Variants in BMPER observed in about 807,000 individuals in gnomAD.
BMPER encodes the protein BMP-binding endothelial regulator protein.
Under a neutral mutation model 87.3 loss-of-function variants are expected in BMPER, and 45 were observed. The observed-to-expected ratio is 0.52, with a 90% CI of 0.41 to 0.66. BMPER has a LOEUF of 0.66. Ranked by LOEUF, BMPER falls within the 30% of genes least tolerant of loss-of-function variation. The pLI is 0.00. For synonymous variants in BMPER, 326 were observed against 316.2 expected, an observed-to-expected ratio of 1.03 and a Z score of -0.33; for missense variants, 784 against 867.5, an observed-to-expected ratio of 0.90 and a Z score of 1.21.
rs572086771 is a variant in BMPER at position 34,130,059 on chromosome 7, C to CT, written c.1746-13170dup. 5.3e-5 allele frequency among the ~76,000 whole-genome samples: 8 copies of CT among 152,092 alleles called. No individual in the cohort carries two copies. In the South Asian group the frequency reaches 1.7e-3, roughly 32 times the overall value. On this transcript the variant is annotated intron_variant, in intron 13 of 14. Transcript: ENST00000649409. ...TTTTCCCTGTGTTCTTGACCCCCTC[C>CT]TCTCCTGTTTTCTTCCTGATATTAT...
intron 2 of BMPER, among the ~76,000 whole-genome samples, chr7:33,924,948 C>T (rs980367642): frequency 3.9e-5 from 6 of 152,196 alleles, no homozygotes; most frequent in African/African-American, 1.2e-4. Context: ...AGGCGCGAGC[C>T]ACTGCACCCG....
chr7:34,066,433 A>AGATTT (rs1447328182), intron 11 of BMPER, among the ~76,000 whole-genome samples: 1 of 152,232 alleles, frequency 6.6e-6, no homozygotes, highest in Non-Finnish European at 1.5e-5. Context: ...GAAAAGAATT[A>AGATTT]GATTTGATTT....
rs35522311 is a variant in BMPER, at chr7:33,935,594, CAGAG to C, written c.220-1679_220-1676del. On this transcript the variant is annotated intron_variant, in intron 2 of 14. Transcript: ENST00000649409. ...CCCAAAAAAGAAAGAGAGAAAGAGA[CAGAG>C]AGAGAGAGAGAGAGAAGGAGAAAGA... Among the ~76,000 whole-genome samples the C allele has an allele frequency of 2.8e-4, 42 of 147,694 alleles. No homozygotes were observed. The East Asian group carries it at 5.4e-3, about 19-fold the overall frequency.
chr7:34,057,398 A>G (rs986061586), intron 9 of BMPER, among the ~76,000 whole-genome samples: 4 of 152,196 alleles, frequency 2.6e-5, no homozygotes, highest in Non-Finnish European at 5.9e-5. Context: ...GATCTAGTCT[A>G]GGAAATGTGT....
chr7:34,135,436 T>C (rs1345660595), intron 13 of BMPER, among the ~76,000 whole-genome samples: 1 of 152,096 alleles, frequency 6.6e-6, no homozygotes, highest in African/African-American at 2.4e-5. Context: ...TAACTGGAGA[T>C]TATGAGGATT....
intron 3 of BMPER, among the ~76,000 whole-genome samples, chr7:33,946,288 A>C (rs1784893391): frequency 6.6e-6 from 1 of 152,132 alleles, no homozygotes; most frequent in African/African-American, 2.4e-5. Context: ...ATGACATGTG[A>C]GGATTATGGG....
intron 2 of BMPER, among the ~76,000 whole-genome samples, chr7:33,925,611 G>C (rs867659607): frequency 6.6e-6 from 1 of 152,272 alleles, no homozygotes; most frequent in South Asian, 2.1e-4. Flanking sequence ...CTAAAACATA[G>C]ATGAAAGACT....
chr7:34,133,861 A>G (rs13245187), intron 13 of BMPER, among the ~76,000 whole-genome samples: 23,156 of 152,108 alleles, frequency 0.15, 2,135 homozygotes, highest in Non-Finnish European at 0.2. Flanking sequence ...CAGCGTGTGG[A>G]AGCAGGAAAA....
Position 34,079,237 on chromosome 7 carries a change from G to C in BMPER, c.1408+51G>C, listed in dbSNP as rs752873406. Reference sequence around the variant, plus strand: ...GCTCTAGCCTCCGCCTCACTTACCCGTTCAGCAGCACTGCTCGGTTAGAGC... The same window carrying C: ...GCTCTAGCCTCCGCCTCACTTACCCCTTCAGCAGCACTGCTCGGTTAGAGC... On this transcript the variant is annotated intron_variant, in intron 12 of 14. Transcript: ENST00000649409. The C allele has an allele frequency of 1.4e-5, 22 of 1,605,902 alleles. No homozygotes were observed. The African/African-American group carries it at 2.8e-4, about 21-fold the overall frequency.
At chr7:34,016,633 T>C (rs1787034194) in intron 6 of BMPER, among the ~76,000 whole-genome samples, 1 of 152,000 alleles carries the variant, frequency 6.6e-6, no homozygotes, top group Non-Finnish European at 1.5e-5. Flanking sequence ...TTTTAAGTGA[T>C]TGGATTGTCT....
chr7:34,020,740 T>A (rs573035743), intron 6 of BMPER, among the ~76,000 whole-genome samples: 2 of 151,852 alleles, frequency 1.3e-5, no homozygotes, highest in Admixed American at 1.3e-4. Context: ...GTCTGCTGAG[T>A]CCCAGCAGAC....
chr7:33,941,893 C>T (rs1409154139), intron 3 of BMPER, among the ~76,000 whole-genome samples: 1 of 152,126 alleles, frequency 6.6e-6, no homozygotes, highest in African/African-American at 2.4e-5. Flanking sequence ...ACTGAATTCT[C>T]CTGTATTTTG....
At chr7:33,946,759 T>C (rs146972953) in intron 3 of BMPER, among the ~76,000 whole-genome samples, 4 of 152,172 alleles carry the variant, frequency 2.6e-5, no homozygotes, top group African/African-American at 4.8e-5. Context: ...GGTAGGAGAG[T>C]ACATCTGCTT....
rs66493349 is a variant in BMPER at position 34,119,014 on chromosome 7, T to TCTCACACACACACA, written c.1746-24215_1746-24214insTCACACACACACAC. 6.5e-3 allele frequency among the ~76,000 whole-genome samples: 883 copies of TCTCACACACACACA among 135,766 alleles called. 4 individuals carry two copies. Among genetic ancestry groups the TCTCACACACACACA allele is most frequent in the South Asian group, 0.02 (78 of 3,860 alleles). The allele number at this position is 135,766 out of a possible 152,430, so 89.1% of individuals were successfully genotyped here. On this transcript the variant is annotated intron_variant, in intron 13 of 14. Transcript: ENST00000649409. Reference sequence around the variant, plus strand: ...CTCTCACTGTCTCTCTCTCTCTCTCTCACACACACACACACACACACACGC... The same window carrying TCTCACACACACACA: ...CTCTCACTGTCTCTCTCTCTCTCTCTCTCACACACACACACACACACACACACACACACACACGC...
chr7:33,942,923 G>T (rs547056883), intron 3 of BMPER, among the ~76,000 whole-genome samples: 1 of 152,254 alleles, frequency 6.6e-6, no homozygotes, highest in Admixed American at 6.5e-5. Flanking sequence ...CCAGTTATTC[G>T]ATTGTGTAAG....
intron 6 of BMPER, among the ~76,000 whole-genome samples, chr7:33,985,395 TTCA>T (rs1785977643): frequency 6.6e-6 from 1 of 152,346 alleles, no homozygotes; most frequent in African/African-American, 2.4e-5. Flanking sequence ...AAACCATAAT[TTCA>T]TCATTTTCAG....
At chr7:34,096,572 G>T (rs1211086135) in intron 13 of BMPER, among the ~76,000 whole-genome samples, 1 of 152,154 alleles carries the variant, frequency 6.6e-6, no homozygotes, top group Non-Finnish European at 1.5e-5. Flanking sequence ...GGAAATCTGA[G>T]ACTCAGTCTC....
At chr7:33,953,112 G>A (rs1237752335) in intron 3 of BMPER, among the ~76,000 whole-genome samples, 2 of 152,188 alleles carry the variant, frequency 1.3e-5, no homozygotes, top group South Asian at 2.1e-4. Context: ...GGCATTCTCC[G>A]AACCTGCACT....
At chr7:34,150,559 T>C (rs1451675844) in intron 14 of BMPER, among the ~76,000 whole-genome samples, 1 of 152,164 alleles carries the variant, frequency 6.6e-6, no homozygotes, top group East Asian at 1.9e-4. Flanking sequence ...AGCTTGGATG[T>C]TTCCAAATCA....
Sources: allele counts gnomAD v4.1 joint callset (sites outside exome capture counted in the v4.1 genomes callset), GRCh38; gene constraint gnomAD v4.1.1; transcripts MANE v1.5; gene names NCBI Gene and HGNC (gene_info 2026-07-23, HGNC 2026-07-21).